STK3: variants seen among roughly 807,000 people sequenced by gnomAD.
The protein encoded by STK3 is serine/threonine-protein kinase 3.
A neutral mutation model predicts 58.0 loss-of-function variants in STK3; 41 were observed. The ratio of observed to expected loss-of-function variants is 0.71; its 90% CI spans 0.55 to 0.92. The LOEUF is 0.92. Ranked by LOEUF, STK3 falls within the 40% of genes least tolerant of loss-of-function variation. The pLI is 0.00. For missense variants in STK3, 479 were observed against 602.7 expected (o/e 0.79, Z 2.15); for synonymous variants, 170 against 191.0 (o/e 0.89, Z 0.91).
intron 9 of STK3, 92 bp downstream of exon 9, chr8:98,547,877 G>T (rs1810838666): frequency 3.4e-6 from 4 of 1,161,976 alleles, no homozygotes; most frequent in African/African-American, 3.2e-5. Flanking sequence ...TTCCACAGTT[G>T]GCTATAAAAA....
chr8:98,893,486 G>GAAAGAAAGAGAAAGAAAGAGAGAA (rs776247646), intron 1 of STK3, among the ~76,000 whole-genome samples: 1 of 42,996 alleles, frequency 2.3e-5, no homozygotes, highest in African/African-American at 1.1e-4. Flanking sequence ...AAGAAAGAAA[G>GAAAGAAAGAGAAAGAAAGAGAGAA]AGAAAGAAAG....
chr8:98,537,218 A>C (rs993815618), intron 9 of STK3, among the ~76,000 whole-genome samples: 1 of 152,156 alleles, frequency 6.6e-6, no homozygotes, highest in Non-Finnish European at 1.5e-5. Flanking sequence ...ACTTCTAAAT[A>C]TTTTCCATTG....
At chr8:98,656,363 A>G (rs1324559876) in intron 6 of STK3, among the ~76,000 whole-genome samples, 1 of 152,154 alleles carries the variant, frequency 6.6e-6, no homozygotes, top group Non-Finnish European at 1.5e-5. Flanking sequence ...GAGGGATAGC[A>G]TTAGGAGATA....
At chr8:98,419,426 A>G (rs7828771) in intron 3 of STK3, among the ~76,000 whole-genome samples, 3,129 of 152,230 alleles carry the variant, frequency 0.021, 101 homozygotes, top group African/African-American at 0.072. Flanking sequence ...AAACCCCTCC[A>G]GCTTCAGTGG....
At chr8:98,372,768 G>A (rs1006465216) in intron 2 of STK3, among the ~76,000 whole-genome samples, 3 of 152,320 alleles carry the variant, frequency 2.0e-5, no homozygotes, top group South Asian at 2.1e-4. Context: ...ATAATGAGAA[G>A]AGCATGGGTT....
At chr8:98,491,658 C>T (rs911827291) in intron 10 of STK3, among the ~76,000 whole-genome samples, 11 of 152,074 alleles carry the variant, frequency 7.2e-5, no homozygotes, top group South Asian at 4.1e-4. Context: ...TGGTCTTGAA[C>T]GCCCAACCTC....
chr8:98,404,494 C>A (rs1018270934), intron 3 of STK3, among the ~76,000 whole-genome samples: 1 of 152,082 alleles, frequency 6.6e-6, no homozygotes, highest in Non-Finnish European at 1.5e-5. Flanking sequence ...TCCAGGCTAA[C>A]ATGGTGAAAC....
chr8:98,462,700 A>G (rs1220436874), intron 10 of STK3, among the ~76,000 whole-genome samples: 1 of 152,180 alleles, frequency 6.6e-6, no homozygotes, highest in Non-Finnish European at 1.5e-5. Flanking sequence ...TAGTAGAATG[A>G]ATTTTCATTC....
chr8:98,455,706 G>T lies in STK3; in HGVS notation c.*136C>A. 1 of 1,006,812 alleles carries T rather than the reference G, an allele frequency of 9.9e-7. No homozygotes were observed. 62.4% of individuals were successfully genotyped at this position (1,006,812 alleles called of 1,614,324 possible). On this transcript the variant is annotated 3_prime_UTR_variant, in exon 11 of 11. Coordinates refer to ENST00000419617, the MANE Select transcript of STK3 (RefSeq NM_006281.4). Reference sequence around the variant, plus strand: ...TTCTGCCTTTTGGGAATTTACCTGGGCATGTACCATTGTCACTTTTTGACC... The same window carrying T: ...TTCTGCCTTTTGGGAATTTACCTGGTCATGTACCATTGTCACTTTTTGACC...
At position 98,371,991 on chromosome 8, in the gene STK3, G is replaced by A. The variant is rs145337451; in HGVS notation, n.112-313C>T. ...TACTGAGTGGGATCAGGGGGAGGGGGGTCCTTAAACCGAATATGACTAGTG... is the reference window on the plus strand; with the variant it reads ...TACTGAGTGGGATCAGGGGGAGGGGAGTCCTTAAACCGAATATGACTAGTG... On this transcript the variant is annotated intron_variant and non_coding_transcript_variant, in intron 2 of 2. Transcript: ENST00000518704. 2.0e-5 allele frequency among the ~76,000 whole-genome samples: 3 copies of A among 152,198 alleles called. No homozygotes were observed. The East Asian group carries it at 5.8e-4, about 29-fold the overall frequency.
intron 3 of STK3, among the ~76,000 whole-genome samples, chr8:98,755,413 G>C (rs1830226436): frequency 6.6e-6 from 1 of 152,160 alleles, no homozygotes; most frequent in Non-Finnish European, 1.5e-5. Flanking sequence ...AACTGGCTGT[G>C]ACTTTATTTT....
intron 7 of STK3, among the ~76,000 whole-genome samples, chr8:98,585,894 G>C (rs1814517235): frequency 6.6e-6 from 1 of 151,534 alleles, no homozygotes; most frequent in Admixed American, 6.6e-5. Context: ...TTGGCTCTCT[G>C]TTTGTCTGTT....
chr8:98,904,734 TG>T, intron 1 of STK3: 4 of 828,808 alleles, frequency 4.8e-6, no homozygotes, highest in Non-Finnish European at 7.9e-6. Flanking sequence ...TCTCCAACTG[TG>T]GGGAGCATGG....
intron 1 of STK3, among the ~76,000 whole-genome samples, chr8:98,819,278 A>T (rs986074304): frequency 2.6e-5 from 4 of 152,100 alleles, no homozygotes. Context: ...ACTGAGTCTC[A>T]GTATCAATGA....
At chr8:98,698,421 T>G (rs982737544) in intron 6 of STK3, among the ~76,000 whole-genome samples, 20 of 152,184 alleles carry the variant, frequency 1.3e-4, no homozygotes, top group Admixed American at 1.1e-3. Flanking sequence ...GTTAGCTGGT[T>G]ATTTTGCTCG....
chr8:98,731,088 A>C (rs1009328211), intron 4 of STK3, among the ~76,000 whole-genome samples: 3 of 152,210 alleles, frequency 2.0e-5, no homozygotes, highest in Non-Finnish European at 4.4e-5. Context: ...AGTTGTACTA[A>C]TTTAAATTCC....
chr8:98,725,033 A>G (rs532371007), intron 4 of STK3, among the ~76,000 whole-genome samples: 2 of 152,192 alleles, frequency 1.3e-5, no homozygotes, highest in Admixed American at 6.5e-5. Context: ...CCACAACACA[A>G]ATATGCCAAT....
At chr8:98,917,746 C>T (rs1324850611) in intron 1 of STK3, among the ~76,000 whole-genome samples, 1 of 152,190 alleles carries the variant, frequency 6.6e-6, no homozygotes, top group African/African-American at 2.4e-5. Context: ...CAAGCTAAGA[C>T]ATCATCCATC....
In STK3 at chr8:98,567,750, A is replaced by G. The variant is rs139955735; in HGVS notation, c.948+11914T>C. On this transcript the variant is annotated intron_variant, in intron 8 of 10. Transcript: ENST00000419617. ...GATTTATAAAGAGATCATATTACAA[A>G]CTCAATATCAAAAATTATAATTTTA... Among the ~76,000 whole-genome samples the G allele has an allele frequency of 6.8e-3, 1,030 of 152,044 alleles. 8 individuals carry two copies. Among genetic ancestry groups the G allele is most frequent in the African/African-American group, 0.023 (966 of 41,474 alleles).
Sources: gnomAD v4.1 joint callset for allele counts (sites outside exome capture counted in the v4.1 genomes callset) on GRCh38, gnomAD v4.1.1 for gene constraint, MANE v1.5 for transcripts, NCBI Gene and HGNC (gene_info 2026-07-23, HGNC 2026-07-21) for gene names.